Variants in CEP104 observed in about 807,000 individuals in gnomAD.
CEP104 encodes centrosomal protein 104.
In CEP104, 84 loss-of-function variants were observed where a neutral mutation model predicts 113.3. The observed-to-expected ratio is 0.74, with a 90% CI of 0.62 to 0.89. The LOEUF is 0.89. Ranked by LOEUF, CEP104 falls within the 40% of genes least tolerant of loss-of-function variation. The probability of loss-of-function intolerance (pLI) is 0.00; values close to 1 mark genes in which losing one functional copy is unlikely to be tolerated. For missense variants in CEP104, 1,053 were observed against 1,156.6 expected (o/e 0.91, Z 1.30); for synonymous variants, 378 against 421.7 (o/e 0.90, Z 1.27).
At position 3,829,420 on chromosome 1, in the gene CEP104, C is replaced by T. The variant is rs956218390; in HGVS notation, c.2044-47G>A. Reference sequence around the variant, plus strand: ...CATTAGAACAGCTTGTTAGGGTAATCTTAGAAACTGGGAGACAAATTATGG... The same window carrying T: ...CATTAGAACAGCTTGTTAGGGTAATTTTAGAAACTGGGAGACAAATTATGG... On this transcript the variant is annotated intron_variant, in intron 14 of 21. Coordinates refer to ENST00000378230, the MANE Select transcript of CEP104 (RefSeq NM_014704.4). The T allele has an allele frequency of 1.7e-5, 24 of 1,409,296 alleles. No homozygotes were observed. The Admixed American group carries it at 3.4e-4, about 20-fold the overall frequency. The allele number at this position is 1,409,296 out of a possible 1,614,324, so 87.3% of individuals were successfully genotyped here.
chr1:3,821,336 C>A (rs1310964054), intron 20 of CEP104, among the ~76,000 whole-genome samples: 1 of 152,228 alleles, frequency 6.6e-6, no homozygotes, highest in African/African-American at 2.4e-5. Context: ...TAATTTAAAT[C>A]CATGGTTCAT....
intron 2 of CEP104, among the ~76,000 whole-genome samples, chr1:3,851,529 C>T (rs1311328612): frequency 6.6e-6 from 1 of 152,092 alleles, no homozygotes; most frequent in Non-Finnish European, 1.5e-5. Context: ...GGTTTTTATT[C>T]ACATGACTGA....
In CEP104 at chr1:3,833,836, T is replaced by G. The variant is rs997266146; in HGVS notation, c.1659+26A>C. On this transcript the variant is annotated intron_variant, in intron 12 of 21. Coordinates refer to ENST00000378230, the MANE Select transcript of CEP104 (RefSeq NM_014704.4). ...CAGGAATATGTTTATCATCTACGGT[T>G]TCAAATGCCGTGGTGAAGTTCAGAC... 7 of 1,611,540 alleles carry G rather than the reference T, an allele frequency of 4.3e-6. No individual in the cohort carries two copies. The African/African-American group carries it at 6.7e-5, about 15-fold the overall frequency.
chr1:3,837,586 C>T, intron 8 of CEP104, 67 bp from the exon 9 acceptor site: 1 of 1,329,006 alleles, frequency 7.5e-7, no homozygotes, highest in South Asian at 1.2e-5. Context: ...TATCTCATTC[C>T]TTCAGATGAA....
intron 20 of CEP104, among the ~76,000 whole-genome samples, chr1:3,820,981 G>T (rs533894892): frequency 4.6e-5 from 7 of 152,368 alleles, no homozygotes; most frequent in Non-Finnish European, 1.0e-4. Context: ...CTCAGAACGG[G>T]AAGGGGAAGT....
At chr1:3,830,948 G>A in intron 13 of CEP104, 98 bp downstream of exon 13, 1 of 1,265,036 alleles carries the variant, frequency 7.9e-7, no homozygotes, top group Non-Finnish European at 1.1e-6. Context: ...CACTGCCTCA[G>A]TCATTCCTTC....
Position 3,823,312 on chromosome 1 carries a change from G to A in CEP104, c.2504-71C>T, listed in dbSNP as rs1405827789. 5.0e-6 allele frequency: 8 copies of A among 1,607,066 alleles called. No homozygotes were observed. Among genetic ancestry groups the A allele is most frequent in the East Asian group, 4.5e-5 (2 of 44,832 alleles). ...GACAAGACATGCTGCTGGCCTGCCC[G>A]CAGGTGCCCTTTAATTCACCAAGCC... is the stretch of plus-strand genomic sequence containing the variant. On this transcript the variant is annotated intron_variant, in intron 19 of 21. Transcript: ENST00000378230. The surrounding 1 kb of genome is among the most constrained non-coding windows in gnomAD (Gnocchi z 4.1).
In CEP104 at chr1:3,819,980, C is replaced by A. The variant is rs1643939903; in HGVS notation, c.2571+3194G>T. ...TGCTGGGATGAGCCTGGAAGTGAGT[C>A]CTTCCCTAGCAGGGCTGACAGATGA... On this transcript the variant is annotated intron_variant, in intron 20 of 21. Coordinates refer to ENST00000378230, the MANE Select transcript of CEP104 (RefSeq NM_014704.4). This position sits in a 1 kb window ranked among gnomAD's most constrained non-coding sequence, Gnocchi z 4.6. 6.6e-6 allele frequency among the ~76,000 whole-genome samples: 1 copy of A among 152,090 alleles called. No individual in the cohort carries two copies.
Position 3,815,314 on chromosome 1 carries a change from C to T in CEP104, c.*88G>A, listed in dbSNP as rs1643863722. The T allele has an allele frequency of 9.8e-7, 1 of 1,019,350 alleles. No individual in the cohort carries two copies. Among genetic ancestry groups the T allele is most frequent in the Non-Finnish European group, 1.5e-6 (1 of 679,070 alleles). 63.1% of individuals were successfully genotyped at this position (1,019,350 alleles called of 1,614,324 possible). ...GGGGACAGCAGCCAGAGCATGGGGC[C>T]ACCAAGGCCAGAGAGTTCTGGAGAG... On this transcript the variant is annotated 3_prime_UTR_variant, in exon 22 of 22. Transcript: ENST00000378230.
At chr1:3,854,635 ATTT>A (rs34466194) in intron 1 of CEP104, among the ~76,000 whole-genome samples, 36,970 of 125,954 alleles carry the variant, frequency 0.29, 5,941 homozygotes, top group African/African-American at 0.48. Context: ...TGCCTGGCTA[ATTT>A]TTTTTTTTTT....
At position 3,823,442 on chromosome 1, in the gene CEP104, T is replaced by C. The variant is rs1426161888; in HGVS notation, c.2485A>G (p.Lys829Glu). The C allele has an allele frequency of 1.2e-6, 2 of 1,614,182 alleles. No homozygotes were observed. Among genetic ancestry groups the C allele is most frequent in the South Asian group, 1.1e-5 (1 of 91,076 alleles). The change falls in exon 19 of 22, where the codon AAA (lysine) becomes GAA (glutamate). Residue 829 changes from lysine to glutamate, a missense_variant. Coordinates refer to ENST00000378230, the MANE Select transcript of CEP104 (RefSeq NM_014704.4). The surrounding 1 kb of genome is among the most constrained non-coding windows in gnomAD (Gnocchi z 4.1). ...VFKEELPRHI[K>E]HKDCNPAKPE... is the part of the protein sequence containing the mutation. ...CACTCACGGTTGCAATCCTTGTGTT[T>C]TATGTGTCTGGGCAGCTCTTCCTTG...
intron 18 of CEP104, among the ~76,000 whole-genome samples, chr1:3,824,005 A>T (rs1644034071): frequency 6.6e-6 from 1 of 152,206 alleles, no homozygotes; most frequent in African/African-American, 2.4e-5. Context: ...TGACTTGTAT[A>T]TACTCTATAA....
intron 2 of CEP104, among the ~76,000 whole-genome samples, chr1:3,849,722 G>T (rs17404435): frequency 0.54 from 82,079 of 151,954 alleles, 24,710 homozygotes; most frequent in Non-Finnish European, 0.68. Flanking sequence ...GTCAGTAAAG[G>T]GCTGCTTTAG....
intron 12 of CEP104, 122 bp downstream of exon 12, chr1:3,833,740 A>G: frequency 1.1e-6 from 1 of 893,662 alleles, no homozygotes; most frequent in Non-Finnish European, 1.7e-6. Flanking sequence ...TGTGATGGTG[A>G]ATCCCTGAGA....
intron 12 of CEP104, among the ~76,000 whole-genome samples, chr1:3,832,212 C>T (rs1399634399): frequency 6.6e-6 from 1 of 152,156 alleles, no homozygotes; most frequent in Admixed American, 6.5e-5. Context: ...CTGTCATAAC[C>T]AGGAGTGTAT....
chr1:3,822,020 G>A lies in CEP104; in HGVS notation c.2571+1154C>T, dbSNP rs569690889. Among the ~76,000 whole-genome samples the A allele has an allele frequency of 4.6e-5, 7 of 152,330 alleles. No individual in the cohort carries two copies. In the South Asian group the frequency reaches 6.2e-4, roughly 14 times the overall value. On this transcript the variant is annotated intron_variant, in intron 20 of 21. Transcript: ENST00000378230. ...AAGAAGTCCCGATTCCGAAAGCTCC[G>A]ACGGGAACATTTACAGATGCAACAA...
chr1:3,833,796 A>G (rs904249685), intron 12 of CEP104, 66 bp downstream of exon 12: 1 of 1,483,514 alleles, frequency 6.7e-7, no homozygotes, highest in South Asian at 1.1e-5. Flanking sequence ...AGGTGTTAAG[A>G]AAGCCAGAGA....
chr1:3,826,826 A>G, intron 15 of CEP104, 82 bp from the exon 16 acceptor site: 1 of 1,419,284 alleles, frequency 7.0e-7, no homozygotes, highest in Admixed American at 1.7e-5. Context: ...TGTTTTCATC[A>G]CGAAAGCACA....
chr1:3,842,907 C>A (rs1644438523), intron 6 of CEP104, among the ~76,000 whole-genome samples: 1 of 152,062 alleles, frequency 6.6e-6, no homozygotes, highest in African/African-American at 2.4e-5. Flanking sequence ...CCTGCCTCAG[C>A]CTCCCAAGTA....
Sources: gnomAD v4.1 joint callset for allele counts (sites outside exome capture counted in the v4.1 genomes callset) on GRCh38, gnomAD v4.1.1 for gene constraint, Gnocchi (gnomAD v3.1) non-coding constraint, MANE v1.5 for transcripts, NCBI Gene and HGNC (gene_info 2026-07-23, HGNC 2026-07-21) for gene names.